KLB: variants seen among roughly 807,000 people sequenced by gnomAD.
The protein encoded by KLB is beta-klotho.
Under a neutral mutation model 88.4 loss-of-function variants are expected in KLB, and 44 were observed. The observed-to-expected ratio is 0.50, with a 90% CI of 0.39 to 0.64. The LOEUF is 0.64. Among genes scored for constraint, KLB ranks in the 30% least tolerant of loss-of-function variants. The pLI, the probability that KLB is intolerant of heterozygous loss-of-function variation, is 0.00. For synonymous variants in KLB, 548 were observed against 513.4 expected (o/e 1.07, Z -0.91); for missense variants, 1,137 against 1,304.8 (o/e 0.87, Z 1.98).
At chr4:39,423,131 G>A (rs1290243038) in intron 1 of KLB, among the ~76,000 whole-genome samples, 1 of 151,850 alleles carries the variant, frequency 6.6e-6, no homozygotes, top group East Asian at 1.9e-4. Context: ...CAGCACAGGG[G>A]TGGTCCCTGA....
At chr4:39,422,594 T>C (rs1199991637) in intron 1 of KLB, among the ~76,000 whole-genome samples, 1 of 152,168 alleles carries the variant, frequency 6.6e-6, no homozygotes, top group African/African-American at 2.4e-5. Context: ...ATGTGTTAGC[T>C]CTTATTAATA....
intron 4 of KLB, 82 bp downstream of exon 4, chr4:39,447,557 G>A (rs1560654779): frequency 4.1e-6 from 5 of 1,213,224 alleles, no homozygotes; most frequent in East Asian, 5.0e-5. Context: ...GCAGCAGGCT[G>A]GTGCCTGACA....
chr4:39,445,422 G>A (rs1232121095), intron 3 of KLB, among the ~76,000 whole-genome samples: 1 of 151,830 alleles, frequency 6.6e-6, no homozygotes, highest in Non-Finnish European at 1.5e-5. Flanking sequence ...TCTGTTGGAT[G>A]AATAAATGCT....
In KLB at chr4:39,434,655, G is replaced by T. The variant is rs369568090; in HGVS notation, c.1271G>T (p.Arg424Leu). ...GAGAATGGCTGGTTCACAGACAGTC[G>T]TGTGAAAACAGAAGACACCACGGCC... is the stretch of plus-strand genomic sequence containing the variant. ...IAENGWFTDS[R>L]VKTEDTTAIY... The change falls in exon 2 of 5, where the codon CGT (arginine) becomes CTT (leucine). Residue 424 changes from arginine (R) to leucine (L), a missense_variant. Around this residue, in one of 4 missense-constraint regions of KLB, gnomAD observed 597 missense variants for 765.2 expected, o/e 0.78. Coordinates refer to ENST00000257408, the MANE Select transcript of KLB (RefSeq NM_175737.4). 19 of 1,613,540 alleles carry T rather than the reference G, an allele frequency of 1.2e-5. No homozygotes were observed. The South Asian group carries it at 2.1e-4, about 18-fold the overall frequency.
intron 4 of KLB, among the ~76,000 whole-genome samples, 171 bp from the exon 5 acceptor site, chr4:39,448,130 C>T (rs76352164): frequency 2.6e-5 from 4 of 152,188 alleles, no homozygotes; most frequent in Middle Eastern, 3.4e-3. Context: ...ATATTTTCAC[C>T]TTCTCCTTTA....
intron 3 of KLB, among the ~76,000 whole-genome samples, chr4:39,445,130 AC>A (rs1743706617): frequency 3.9e-5 from 6 of 152,138 alleles, no homozygotes; most frequent in Admixed American, 3.9e-4. Context: ...GGAAAATGAA[AC>A]CCAAGTCATG....
chr4:39,417,608 T>TA lies in KLB; in HGVS notation c.825+9842dup, dbSNP rs1472678068. 2.6e-5 allele frequency among the ~76,000 whole-genome samples: 4 copies of TA among 151,960 alleles called. No homozygotes were observed. The East Asian group carries it at 5.8e-4, about 22-fold the overall frequency. On this transcript the variant is annotated intron_variant, in intron 1 of 4. Coordinates refer to ENST00000257408, the MANE Select transcript of KLB (RefSeq NM_175737.4). ...TTGCACCCAGCCCAAAATGCTTTTTTAAAAAAAAGAAGAAAGAATAAAGAA... is the reference window on the plus strand; with the variant it reads ...TTGCACCCAGCCCAAAATGCTTTTTTAAAAAAAAAGAAGAAAGAATAAAGAA...
At position 39,437,915 on chromosome 4, in the gene KLB, T is replaced by C; in HGVS notation, c.1525T>C (p.Ser509Pro). Residue 509 changes from serine (S) to proline (P), a missense_variant, in exon 3 of 5, where the codon TCT becomes CCT. By Grantham distance (74) the Ser-to-Pro change is moderately conservative. Transcript: ENST00000257408. ...YKQIIRENGFSLKESTPDVQG... is the reference protein window; with the variant it reads ...YKQIIRENGFPLKESTPDVQG... ...ACAGATCATACGAGAAAATGGTTTT[T>C]CTTTAAAAGAGTCCACGCCAGATGT... 6.2e-7 allele frequency: 1 copy of C among 1,614,216 alleles called. No individual in the cohort carries two copies. Among genetic ancestry groups the C allele is most frequent in the Non-Finnish European group, 8.5e-7 (1 of 1,180,032 alleles).
intron 3 of KLB, among the ~76,000 whole-genome samples, chr4:39,442,985 G>A (rs192167789): frequency 1.3e-5 from 2 of 152,194 alleles, no homozygotes; most frequent in Admixed American, 1.3e-4. Context: ...GTCATGTATT[G>A]TTAGCTTCCT....
chr4:39,445,684 G>GTTTTTTT (rs67319815), intron 3 of KLB, among the ~76,000 whole-genome samples: 1 of 94,958 alleles, frequency 1.1e-5, no homozygotes, highest in Non-Finnish European at 2.3e-5. Flanking sequence ...TTGTTTTTTT[G>GTTTTTTT]TTTTTTTTTT....
rs543283253 is a variant in KLB, at chr4:39,423,653, C to A, written c.826-10557C>A. ...ATTATCAATAAGGTACGTCAAGTAA[C>A]CAACAAACTAGCTGATCCATAATAG... On this transcript the variant is annotated intron_variant, in intron 1 of 4. Coordinates refer to ENST00000257408, the MANE Select transcript of KLB (RefSeq NM_175737.4). 4.0e-5 allele frequency among the ~76,000 whole-genome samples: 6 copies of A among 151,756 alleles called. No homozygotes were observed. The East Asian group carries it at 1.2e-3, about 29-fold the overall frequency.
intron 1 of KLB, among the ~76,000 whole-genome samples, chr4:39,428,174 C>T (rs2109830843): frequency 6.6e-6 from 1 of 152,156 alleles, no homozygotes; most frequent in South Asian, 2.1e-4. Flanking sequence ...CGCCTGTAAC[C>T]CCAGCATTTT....
rs997961143 is a variant in KLB, at chr4:39,424,787, C to T, written c.826-9423C>T. 3.9e-5 allele frequency among the ~76,000 whole-genome samples: 6 copies of T among 152,148 alleles called. No homozygotes were observed. The South Asian group carries it at 6.2e-4, about 16-fold the overall frequency. ...GGGACTACAGGCATGTGCCACCACG[C>T]CTGGCTAATTTTTGTATTTTTAATA... On this transcript the variant is annotated intron_variant, in intron 1 of 4. Coordinates refer to ENST00000257408, the MANE Select transcript of KLB (RefSeq NM_175737.4).
In KLB at chr4:39,450,942, T is replaced by TAAA. The variant is rs1743880568; in HGVS notation, c.*2256_*2257insAAA. Reference sequence around the variant, plus strand: ...AGGTTTTGCTTTCTCTTTCTCACTTTGTTTAAAGTATCTCGTACTCACAGT... The same window carrying TAAA: ...AGGTTTTGCTTTCTCTTTCTCACTTTAAAGTTTAAAGTATCTCGTACTCACAGT... On this transcript the variant is annotated 3_prime_UTR_variant, in exon 5 of 5. Coordinates refer to ENST00000257408, the MANE Select transcript of KLB (RefSeq NM_175737.4). 6.6e-6 allele frequency: 1 copy of TAAA among 152,168 alleles called. No individual in the cohort carries two copies. The highest frequency in any genetic ancestry group is 2.4e-5 in the African/African-American group (1 of 41,438). The allele number at this position is 152,168 out of a possible 1,614,324, so 9.4% of individuals were successfully genotyped here.
At chr4:39,427,606 A>G (rs1743249795) in intron 1 of KLB, among the ~76,000 whole-genome samples, 1 of 152,210 alleles carries the variant, frequency 6.6e-6, no homozygotes, top group Non-Finnish European at 1.5e-5. Context: ...GCTGCAAACA[A>G]TAAATGAGGG....
intron 4 of KLB, among the ~76,000 whole-genome samples, chr4:39,447,696 A>T (rs1743789839): frequency 6.6e-6 from 1 of 152,242 alleles, no homozygotes; most frequent in Non-Finnish European, 1.5e-5. Flanking sequence ...GGGCACGTGG[A>T]GAAGTTTTTA....
chr4:39,410,116 A>C (rs2109817061), intron 1 of KLB, among the ~76,000 whole-genome samples: 1 of 152,346 alleles, frequency 6.6e-6, no homozygotes, highest in East Asian at 1.9e-4. Context: ...CTTTGTATAA[A>C]GAAAAATATT....
intron 1 of KLB, among the ~76,000 whole-genome samples, chr4:39,423,049 G>C (rs1243751542): frequency 6.6e-6 from 1 of 151,882 alleles, no homozygotes; most frequent in Admixed American, 6.5e-5. Flanking sequence ...TTACAGGCGT[G>C]AGCCACCGCT....
intron 1 of KLB, among the ~76,000 whole-genome samples, chr4:39,417,024 C>T (rs1160636905): frequency 1.3e-5 from 2 of 151,810 alleles, no homozygotes; most frequent in African/African-American, 4.8e-5. Context: ...CTAGATGGAG[C>T]CTTTTTAGTT....
Sources: allele counts gnomAD v4.1 joint callset (sites outside exome capture counted in the v4.1 genomes callset), GRCh38; gene constraint gnomAD v4.1.1; regional missense constraint gnomAD v4.1.1; transcripts MANE v1.5; gene names NCBI Gene and HGNC (gene_info 2026-07-23, HGNC 2026-07-21).